RALGAPA1: variants seen among roughly 807,000 people sequenced by gnomAD.
RALGAPA1 encodes Ral GTPase activating protein catalytic subunit alpha 1.
A neutral mutation model predicts 269.6 loss-of-function variants in RALGAPA1; 52 were observed. The observed-to-expected ratio is 0.19, with a 90% CI of 0.15 to 0.24. RALGAPA1 has a LOEUF of 0.24. Among genes scored for constraint, RALGAPA1 ranks in the 10% least tolerant of loss-of-function variants. RALGAPA1 has a pLI of 1.00. For synonymous variants in RALGAPA1, 817 were observed against 1,008.3 expected (o/e 0.81, Z 3.60); for missense variants, 1,917 against 3,013.9 (o/e 0.64, Z 8.52).
chr14:35,610,001 A>G (rs1359623065), intron 35 of RALGAPA1, among the ~76,000 whole-genome samples: 1 of 151,498 alleles, frequency 6.6e-6, no homozygotes, highest in Non-Finnish European at 1.5e-5. Flanking sequence ...AGAAAATAAT[A>G]AAGACTACAG....
At chr14:35,776,869 T>C (rs2075074783) in intron 1 of RALGAPA1, among the ~76,000 whole-genome samples, 1 of 151,658 alleles carries the variant, frequency 6.6e-6, no homozygotes, top group African/African-American at 2.4e-5. Flanking sequence ...TAGAGTATAA[T>C]AAAAATTTTT....
At chr14:35,796,919 C>T (rs2076603727) in intron 1 of RALGAPA1, among the ~76,000 whole-genome samples, 2 of 152,034 alleles carry the variant, frequency 1.3e-5, no homozygotes, top group South Asian at 2.1e-4. Context: ...ACCTGAGTAG[C>T]TGGGACTACA....
At chr14:35,693,220 A>G (rs1051021588) in intron 17 of RALGAPA1, among the ~76,000 whole-genome samples, 6 of 151,954 alleles carry the variant, frequency 3.9e-5, no homozygotes, top group Non-Finnish European at 8.9e-5. Context: ...TTATATCTCA[A>G]TATAAACAAA....
At position 35,689,965 on chromosome 14, in the gene RALGAPA1, C is replaced by T. The variant is rs753736661; in HGVS notation, c.2446G>A (p.Val816Ile). 2.5e-6 allele frequency: 4 copies of T among 1,598,322 alleles called. No homozygotes were observed. The South Asian group carries it at 4.5e-5, about 18-fold the overall frequency. The change falls in exon 18 of 42, where the codon GTC (valine) becomes ATC (isoleucine). Residue 816 changes from valine to isoleucine, a missense_variant. Coordinates refer to ENST00000680220, the MANE Select transcript of RALGAPA1 (RefSeq NM_001346249.2). ...TCTTCACTTTGTGAAAAATGTCTGA[C>T]TCTAGTTGAGCGGGGAAGTATTTGA... ...DAQILPRSTR[V>I]RHFSQSEETG...
intron 40 of RALGAPA1, 75 bp downstream of exon 40, chr14:35,549,035 G>T: frequency 6.7e-7 from 1 of 1,501,362 alleles, no homozygotes; most frequent in Non-Finnish European, 9.0e-7. Context: ...TTTTTTTCAA[G>T]CAAGTTTTTA....
chr14:35,740,035 C>T (rs1250513706), intron 11 of RALGAPA1, among the ~76,000 whole-genome samples: 1 of 152,092 alleles, frequency 6.6e-6, no homozygotes, highest in East Asian at 1.9e-4. Context: ...TTCAAGGTTT[C>T]TCATACATTT....
intron 1 of RALGAPA1, among the ~76,000 whole-genome samples, chr14:35,795,404 A>T (rs1567247627): frequency 6.6e-6 from 1 of 152,140 alleles, no homozygotes; most frequent in African/African-American, 2.4e-5. Context: ...TTATGAGGAA[A>T]CTACCCAAGA....
intron 37 of RALGAPA1, among the ~76,000 whole-genome samples, chr14:35,581,480 A>G (rs1365002601): frequency 6.6e-6 from 1 of 152,170 alleles, no homozygotes; most frequent in East Asian, 1.9e-4. Context: ...ATATGACCAC[A>G]TTGTTCATAC....
chr14:35,742,173 AG>A (rs533670111), intron 11 of RALGAPA1, among the ~76,000 whole-genome samples, 194 bp downstream of exon 11: 18 of 152,346 alleles, frequency 1.2e-4, no homozygotes, highest in Non-Finnish European at 2.5e-4. Flanking sequence ...AATTTTTAAA[AG>A]TTGTGGTATC....
chr14:35,679,724 T>G (rs1300332951), intron 21 of RALGAPA1, among the ~76,000 whole-genome samples: 2 of 152,218 alleles, frequency 1.3e-5, no homozygotes, highest in Non-Finnish European at 2.9e-5. Context: ...TTTAATTCTA[T>G]AAAAGTGCAA....
At chr14:35,667,100 CT>C (rs2064002533) in intron 26 of RALGAPA1, among the ~76,000 whole-genome samples, 1 of 152,114 alleles carries the variant, frequency 6.6e-6, no homozygotes, top group African/African-American at 2.4e-5. Flanking sequence ...TCTCTAACTA[CT>C]TTAAAAAAAC....
intron 35 of RALGAPA1, among the ~76,000 whole-genome samples, chr14:35,614,126 G>A (rs1049488422): frequency 9.2e-5 from 14 of 152,044 alleles, no homozygotes; most frequent in African/African-American, 2.2e-4. Flanking sequence ...ATACACCATC[G>A]GTGGGAAGGT....
At chr14:35,614,117 T>C (rs9322957) in intron 35 of RALGAPA1, among the ~76,000 whole-genome samples, 17,540 of 152,080 alleles carry the variant, frequency 0.12, 1,100 homozygotes, top group South Asian at 0.14. Flanking sequence ...GTAACACTCA[T>C]ACACCATCGG....
intron 12 of RALGAPA1, among the ~76,000 whole-genome samples, chr14:35,736,053 G>A (rs147259985): frequency 6.6e-6 from 1 of 152,154 alleles, no homozygotes; most frequent in African/African-American, 2.4e-5. Context: ...GTGACAGGTG[G>A]GCAGGGCAGA....
At chr14:35,625,243 G>A in intron 35 of RALGAPA1, 118 bp downstream of exon 35, 4 of 548,152 alleles carry the variant, frequency 7.3e-6, no homozygotes, top group South Asian at 4.5e-5. Context: ...CTTTTGCTCA[G>A]AAAGTTATAA....
At chr14:35,553,067 T>C (rs888294566) in intron 39 of RALGAPA1, among the ~76,000 whole-genome samples, 1 of 152,158 alleles carries the variant, frequency 6.6e-6, no homozygotes, top group Non-Finnish European at 1.5e-5. Flanking sequence ...ATCTGTAAGT[T>C]AAGTGGGGAT....
chr14:35,615,438 C>T (rs1278353829), intron 35 of RALGAPA1, among the ~76,000 whole-genome samples: 1 of 152,124 alleles, frequency 6.6e-6, no homozygotes, highest in African/African-American at 2.4e-5. Flanking sequence ...CCGCCCTAGT[C>T]CTCCCTAGAC....
chr14:35,580,287 G>A (rs1183839249), intron 37 of RALGAPA1, among the ~76,000 whole-genome samples: 1 of 152,206 alleles, frequency 6.6e-6, no homozygotes, highest in African/African-American at 2.4e-5. Context: ...GTATCAGCAA[G>A]TGGCTAGAAC....
At chr14:35,637,484 T>C (rs1477140682) in intron 31 of RALGAPA1, among the ~76,000 whole-genome samples, 1 of 151,888 alleles carries the variant, frequency 6.6e-6, no homozygotes, top group Non-Finnish European at 1.5e-5. Flanking sequence ...GAAAAAAGAA[T>C]TGGTGAGGCT....
Sources: allele counts gnomAD v4.1 joint callset (sites outside exome capture counted in the v4.1 genomes callset), GRCh38; gene constraint gnomAD v4.1.1; transcripts MANE v1.5; gene names NCBI Gene and HGNC (gene_info 2026-07-23, HGNC 2026-07-21).